GRIPAP1: variants seen among roughly 807,000 people sequenced by gnomAD.
The protein encoded by GRIPAP1 is GRIP1-associated protein 1.
A neutral mutation model predicts 84.1 loss-of-function variants in GRIPAP1; 14 were observed. That is an observed-to-expected ratio of 0.17 (90% confidence interval 0.11 to 0.26). The LOEUF (loss-of-function observed/expected upper bound fraction) is 0.26, where lower values mean the gene tolerates loss of function less well. GRIPAP1 is among the 10% of genes least tolerant of loss of function. The probability of loss-of-function intolerance (pLI) is 1.00; values close to 1 mark genes in which losing one functional copy is unlikely to be tolerated. For missense variants in GRIPAP1, 518 were observed against 674.2 expected (o/e 0.77, Z 2.57); for synonymous variants, 261 against 256.8 (o/e 1.02, Z -0.15).
At position 49,002,214 on chromosome X, in the gene GRIPAP1, A is replaced by C; in HGVS notation, c.16T>G (p.Ser6Ala). Residue 6 changes from serine (S) to alanine (A), a missense_variant, in exon 1 of 26, where the codon TCT (serine) becomes GCT (alanine). Physicochemically the swap from Ser to Ala is moderately conservative, Grantham distance 99. Coordinates refer to ENST00000376423, the MANE Select transcript of GRIPAP1 (RefSeq NM_020137.5). MAQAL[S>A]EEEFQRMQAQ... is the part of the protein sequence containing the mutation. Reference sequence around the variant, plus strand: ...TGCATCCGCTGAAACTCCTCCTCAGACAGAGCTTGCGCCATGTTCCTCCCC... The same window carrying C: ...TGCATCCGCTGAAACTCCTCCTCAGCCAGAGCTTGCGCCATGTTCCTCCCC... The C allele has an allele frequency of 8.5e-7, 1 of 1,173,212 alleles. No individual in the cohort carries two copies. Among genetic ancestry groups the C allele is most frequent in the Non-Finnish European group, 1.2e-6 (1 of 865,602 alleles).
intron 1 of GRIPAP1, among the ~76,000 whole-genome samples, chrX:49,000,093 C>A (rs782756698): frequency 9.1e-6 from 1 of 110,384 alleles, no homozygotes; most frequent in South Asian, 3.8e-4. Context: ...GGACCAGGTG[C>A]GGTGGCTCAC....
At chrX:48,981,731 C>G in intron 18 of GRIPAP1, 40 bp from the exon 19 acceptor site, 23 of 1,157,549 alleles carry the variant, frequency 2.0e-5, no homozygotes, top group Non-Finnish European at 2.7e-5. Context: ...GCTTGGGAAG[C>G]CTCTGTCCTC....
chrX:48,976,760 G>A (rs908479005), intron 22 of GRIPAP1: 13 of 138,389 alleles, frequency 9.4e-5, no homozygotes, highest in Non-Finnish European at 8.5e-5. Flanking sequence ...AAAAGGGACC[G>A]CACTAAAGAG....
intron 15 of GRIPAP1, 88 bp downstream of exon 15, chrX:48,983,685 CAT>C (rs202186211): frequency 0.011 from 6,790 of 629,196 alleles, 41 homozygotes; most frequent in Middle Eastern, 0.034. Context: ...CCTATCCCCA[CAT>C]GTTTGGTTAT....
intron 24 of GRIPAP1, chrX:48,975,582 G>A (rs1224048215): frequency 2.8e-6 from 1 of 351,524 alleles, no homozygotes; most frequent in Non-Finnish European, 4.9e-6. Flanking sequence ...AGCACATGTT[G>A]GTCAGTATGA....
At chrX:48,982,150 T>G (rs782414260) in intron 17 of GRIPAP1, among the ~76,000 whole-genome samples, 4 of 112,420 alleles carry the variant, frequency 3.6e-5, no homozygotes, top group Non-Finnish European at 5.6e-5. Context: ...ATTAACTCAT[T>G]TTCTATAATC....
chrX:48,983,114 T>C, intron 16 of GRIPAP1, 22 bp from the exon 17 acceptor site: 1 of 1,151,759 alleles, frequency 8.7e-7, no homozygotes, highest in Non-Finnish European at 1.2e-6. Flanking sequence ...CAGACTGTCA[T>C]GGGCCAGGAA....
At chrX:48,981,902 GC>G in intron 17 of GRIPAP1, 30 bp from the exon 18 acceptor site, 1 of 1,055,296 alleles carries the variant, frequency 9.5e-7, no homozygotes. Flanking sequence ...TCTGGCCACA[GC>G]CCCCCAGAAG....
intron 5 of GRIPAP1, among the ~76,000 whole-genome samples, chrX:48,994,960 T>A (rs1474964483): frequency 1.8e-5 from 2 of 112,145 alleles, no homozygotes; most frequent in East Asian, 5.6e-4. Flanking sequence ...ACTAGTATTA[T>A]TTGTTTACTG....
At chrX:48,979,259 C>T (rs782087311) in intron 21 of GRIPAP1, among the ~76,000 whole-genome samples, 3 of 108,627 alleles carry the variant, frequency 2.8e-5, no homozygotes, top group South Asian at 4.0e-4. Flanking sequence ...GGGCAGATCA[C>T]GAGGTCAGGA....
In GRIPAP1 at chrX:48,988,116, T is replaced by C; in HGVS notation, c.948+5A>G. 1 of 1,182,990 alleles carries C rather than the reference T, an allele frequency of 8.5e-7. No individual in the cohort carries two copies. Among genetic ancestry groups the C allele is most frequent in the Non-Finnish European group, 1.1e-6 (1 of 874,958 alleles). ...AGCTCCCTGAGCCCACGCAGTACAA[T>C]ATACCTGATCTTGTAGGGCCCGCAA... On this transcript the variant is annotated splice_donor_5th_base_variant and intron_variant, in intron 12 of 25. Coordinates refer to ENST00000376423, the MANE Select transcript of GRIPAP1 (RefSeq NM_020137.5).
At chrX:48,982,683 G>A (rs1213376672) in intron 17 of GRIPAP1, among the ~76,000 whole-genome samples, 1 of 112,611 alleles carries the variant, frequency 8.9e-6, no homozygotes, top group African/African-American at 3.2e-5. Flanking sequence ...GCAGGTTCTT[G>A]TTCAATAACA....
rs140569951 is a variant in GRIPAP1, at chrX:48,978,462, G to C, written c.1931-27C>G. The C allele has an allele frequency of 6.9e-6, 8 of 1,167,205 alleles. No homozygotes were observed. The African/African-American group carries it at 1.1e-4, about 16-fold the overall frequency. On this transcript the variant is annotated intron_variant, in intron 21 of 25. Coordinates refer to ENST00000376423, the MANE Select transcript of GRIPAP1 (RefSeq NM_020137.5). ...TGGGTGGTGGAGGGAAGAGAAACTT[G>C]AGCCCCAATACCCCTGAGTCCCAGG...
chrX:48,991,342 T>C, intron 6 of GRIPAP1: 1 of 379,176 alleles, frequency 2.6e-6, no homozygotes, highest in Non-Finnish European at 4.6e-6. Context: ...TGCACTGGAA[T>C]GATCACAGTT....
chrX:48,988,820 CA>C (rs781913531), intron 11 of GRIPAP1, among the ~76,000 whole-genome samples: 1 of 111,126 alleles, frequency 9.0e-6, no homozygotes, highest in South Asian at 3.8e-4. Flanking sequence ...CTGGGGGTCT[CA>C]GCTTTACCCA....
chrX:48,979,206 G>A (rs1053773792), intron 21 of GRIPAP1, among the ~76,000 whole-genome samples: 3 of 109,695 alleles, frequency 2.7e-5, no homozygotes, highest in Non-Finnish European at 5.7e-5. Flanking sequence ...TGCCGGGCGC[G>A]GTGGCTCACG....
intron 24 of GRIPAP1, chrX:48,975,734 GGA>G (rs2064418548): frequency 1.1e-5 from 4 of 367,584 alleles, no homozygotes; most frequent in African/African-American, 2.5e-5. Flanking sequence ...AAGAGAGAAG[GGA>G]GAGAGAGAGG....
In GRIPAP1 at chrX:48,981,417, G is replaced by A. The variant is rs201483283; in HGVS notation, c.1829C>T (p.Ala610Val). Residue 610 changes from alanine to valine, a missense_variant and splice_region_variant, in exon 20 of 26, where the codon GCG (alanine) becomes GTG (valine). Transcript: ENST00000376423. Reference sequence around the variant, plus strand: ...TGCTTGGGCACCGCTCTGTCTTACCGCAGCACTGCCCTTCTTCTCCAGGAT... The same window carrying A: ...TGCTTGGGCACCGCTCTGTCTTACCACAGCACTGCCCTTCTTCTCCAGGAT... Reference protein sequence around the residue: ...QRILEKKGSAALKDLKRQLHL... With the variant: ...QRILEKKGSAVLKDLKRQLHL... The A allele has an allele frequency of 4.6e-5, 56 of 1,208,180 alleles. No individual in the cohort carries two copies. The East Asian group carries it at 1.5e-3, about 33-fold the overall frequency.
Position 48,983,789 on chromosome X carries a change from G to A in GRIPAP1, c.1258C>T (p.Gln420Ter). Reference protein sequence around the residue: ...QEKEQLTQELQEARKSAEKRK... With the variant: ...QEKEQLTQEL ...TGTTCCCCTACCTTCCGAGCCTCCTGTAATTCCTGGGTCAACTGCTCCTTC... is the reference window on the plus strand; with the variant it reads ...TGTTCCCCTACCTTCCGAGCCTCCTATAATTCCTGGGTCAACTGCTCCTTC... The change falls in exon 15 of 26, where the codon CAG becomes TAG. Residue 420 changes from glutamine to a stop codon, truncating the protein, a stop_gained. Coordinates refer to ENST00000376423, the MANE Select transcript of GRIPAP1 (RefSeq NM_020137.5). LOFTEE classifies it high-confidence loss of function. 8.5e-7 allele frequency: 1 copy of A among 1,170,389 alleles called. No homozygotes were observed. The highest frequency in any genetic ancestry group is 1.2e-6 in the Non-Finnish European group (1 of 858,503).
Sources: gnomAD v4.1 joint callset for allele counts (sites outside exome capture counted in the v4.1 genomes callset) on GRCh38, gnomAD v4.1.1 for gene constraint, MANE v1.5 for transcripts, NCBI Gene and HGNC (gene_info 2026-07-23, HGNC 2026-07-21) for gene names.